Variants in SLCO3A1 observed in about 807,000 individuals in gnomAD.
The protein encoded by SLCO3A1 is PGE1 transporter.
A neutral mutation model predicts 63.1 loss-of-function variants in SLCO3A1; 27 were observed. The ratio of observed to expected loss-of-function variants is 0.43; its 90% CI spans 0.32 to 0.59. SLCO3A1 has a LOEUF of 0.59. Among genes scored for constraint, SLCO3A1 ranks in the 20% least tolerant of loss-of-function variants. The pLI is 0.09. For synonymous variants in SLCO3A1, 473 were observed against 409.9 expected, an observed-to-expected ratio of 1.15 and a Z score of -1.86; for missense variants, 773 against 945.8, an observed-to-expected ratio of 0.82 and a Z score of 2.40.
At chr15:92,028,658 A>G (rs1015145170) in intron 2 of SLCO3A1, among the ~76,000 whole-genome samples, 1 of 152,184 alleles carries the variant, frequency 6.6e-6, no homozygotes, top group Non-Finnish European at 1.5e-5. Flanking sequence ...AATCGTTTTA[A>G]GCTAGAATGA....
At chr15:91,973,177 G>A (rs993490592) in intron 2 of SLCO3A1, among the ~76,000 whole-genome samples, 12 of 152,176 alleles carry the variant, frequency 7.9e-5, no homozygotes, top group Admixed American at 2.6e-4. Flanking sequence ...AAAAGGGTGG[G>A]GATTGCAACC....
chr15:91,858,092 C>A (rs145061478), intron 1 of SLCO3A1, among the ~76,000 whole-genome samples: 1 of 151,550 alleles, frequency 6.6e-6, no homozygotes. Flanking sequence ...ATGGGTGAGG[C>A]GAAACTGCTA....
At chr15:92,077,850 C>T (rs182535796) in intron 2 of SLCO3A1, among the ~76,000 whole-genome samples, 48 of 152,304 alleles carry the variant, frequency 3.2e-4, no homozygotes, top group African/African-American at 1.1e-3. Context: ...AGCCCTCAAC[C>T]TTCTGCTGCC....
intron 2 of SLCO3A1, among the ~76,000 whole-genome samples, chr15:91,974,265 G>GTTGTTATTA (rs147991710): frequency 0.011 from 1,555 of 142,952 alleles, 19 homozygotes; most frequent in African/African-American, 0.031. Context: ...TTTCATTATT[G>GTTGTTATTA]TTATTATTAT....
chr15:92,164,541 T>C lies in SLCO3A1; in HGVS notation c.*1406T>C. On this transcript the variant is annotated 3_prime_UTR_variant, in exon 10 of 10. Transcript: ENST00000318445. Reference sequence around the variant, plus strand: ...ACACTCTTAGATGTGGGTTTGTGTGTATGGGTGCAACACTTCCGGGGATAG... The same window carrying C: ...ACACTCTTAGATGTGGGTTTGTGTGCATGGGTGCAACACTTCCGGGGATAG... The C allele has an allele frequency of 1.0e-6, 1 of 985,426 alleles. No homozygotes were observed. The highest frequency in any genetic ancestry group is 1.2e-6 in the Non-Finnish European group (1 of 829,930). 61.0% of individuals were successfully genotyped at this position (985,426 alleles called of 1,614,324 possible). A position where few individuals can be genotyped will look rare whatever the true frequency, so the allele number is the denominator to read the frequency against.
At chr15:92,035,113 G>A (rs2046708410) in intron 2 of SLCO3A1, among the ~76,000 whole-genome samples, 1 of 151,776 alleles carries the variant, frequency 6.6e-6, no homozygotes, top group South Asian at 2.1e-4. Context: ...AGTTACTCCA[G>A]TGGCCCGGAA....
At chr15:91,996,729 A>G (rs1441966855) in intron 2 of SLCO3A1, among the ~76,000 whole-genome samples, 2 of 152,218 alleles carry the variant, frequency 1.3e-5, no homozygotes, top group African/African-American at 2.4e-5. Context: ...CAACAACACT[A>G]CAATTAATGA....
At chr15:91,998,298 A>G (rs533605497) in intron 2 of SLCO3A1, among the ~76,000 whole-genome samples, 1 of 152,226 alleles carries the variant, frequency 6.6e-6, no homozygotes, top group East Asian at 1.9e-4. Context: ...TACTAAAAAT[A>G]CAAAAGTTTG....
intron 2 of SLCO3A1, among the ~76,000 whole-genome samples, chr15:92,067,492 T>A (rs2047165684): frequency 6.6e-6 from 1 of 152,220 alleles, no homozygotes; most frequent in South Asian, 2.1e-4. Flanking sequence ...TGTCTACTCG[T>A]CTTCCTCCTA....
At chr15:91,937,170 A>C (rs1230157682) in intron 2 of SLCO3A1, among the ~76,000 whole-genome samples, 1 of 152,180 alleles carries the variant, frequency 6.6e-6, no homozygotes, top group Non-Finnish European at 1.5e-5. Context: ...GAAACCACCC[A>C]CTTACATTAA....
At chr15:92,042,417 A>G (rs1163648543) in intron 2 of SLCO3A1, among the ~76,000 whole-genome samples, 1 of 152,128 alleles carries the variant, frequency 6.6e-6, no homozygotes, top group Non-Finnish European at 1.5e-5. Flanking sequence ...TTTTGAGGGG[A>G]TCCACACGGT....
At position 91,885,892 on chromosome 15, in the gene SLCO3A1, AC is replaced by A; in HGVS notation, c.181-30100del. On this transcript the variant is annotated intron_variant, in intron 1 of 9. Coordinates refer to ENST00000318445, the MANE Select transcript of SLCO3A1 (RefSeq NM_013272.4). The surrounding 1 kb of genome is among the most constrained non-coding windows in gnomAD (Gnocchi z 4.7). ...GAGCAAGAATGTTTCAGGCAGAGGG[AC>A]TAGGAAGTGCAAAGGCCCTGGGGTT... Among the ~76,000 whole-genome samples, 1 of 152,322 alleles carries A rather than the reference AC, an allele frequency of 6.6e-6. No individual in the cohort carries two copies. Among genetic ancestry groups the A allele is most frequent in the Middle Eastern group, 3.4e-3 (1 of 294 alleles).
intron 9 of SLCO3A1, among the ~76,000 whole-genome samples, chr15:92,152,655 GGGTGGATCGATA>G (rs1464480950): frequency 6.6e-6 from 1 of 152,194 alleles, no homozygotes; most frequent in Non-Finnish European, 1.5e-5. Context: ...CTGCAGTGTG[GGGTGGATCGATA>G]GGTGGATGTG....
intron 7 of SLCO3A1, among the ~76,000 whole-genome samples, chr15:92,134,594 T>G (rs1451644254): frequency 1.3e-5 from 2 of 152,206 alleles, no homozygotes; most frequent in East Asian, 3.9e-4. Context: ...TGCATATCTT[T>G]GCATAAAAAA....
chr15:92,087,159 C>A lies in SLCO3A1; in HGVS notation c.647-7722C>A, dbSNP rs557230148. The stretch of plus-strand genomic sequence containing the variant: ...TGAGGCTCATTCCCCCACCACCCCC[C>A]TCCCTCCGCCCACCGCCTATAGTTG... On this transcript the variant is annotated intron_variant, in intron 2 of 9. Transcript: ENST00000318445. Among the ~76,000 whole-genome samples, 623 of 151,270 alleles carry A rather than the reference C, an allele frequency of 4.1e-3. 5 individuals are homozygous for A. Among genetic ancestry groups the A allele is most frequent in the African/African-American group, 0.014 (580 of 41,104 alleles).
At chr15:91,929,174 G>A (rs901831449) in intron 2 of SLCO3A1, among the ~76,000 whole-genome samples, 7 of 152,188 alleles carry the variant, frequency 4.6e-5, no homozygotes, top group African/African-American at 1.4e-4. Flanking sequence ...CAGGAGTGGC[G>A]TGTCCACATA....
intron 7 of SLCO3A1, among the ~76,000 whole-genome samples, chr15:92,143,470 ATAT>A (rs373998754): frequency 4.0e-5 from 1 of 24,952 alleles, no homozygotes; most frequent in African/African-American, 2.0e-4. Flanking sequence ...ATATATATAA[ATAT>A]ATATATATAT....
Position 91,880,391 on chromosome 15 carries a change from C to CTGTGTG in SLCO3A1, c.180+26304_180+26305insGTGTGT, listed in dbSNP as rs1248316415. Among the ~76,000 whole-genome samples the CTGTGTG allele has an allele frequency of 7.1e-3, 529 of 74,484 alleles. 2 individuals carry two copies. The highest frequency in any genetic ancestry group is 0.029 in the African/African-American group (496 of 17,272). The allele number at this position is 74,484 out of a possible 152,430, so 48.9% of individuals were successfully genotyped here. A position where few individuals can be genotyped will look rare whatever the true frequency, so the allele number is the denominator to read the frequency against. ...TACCGGCACTCGTGCTTCTCTCTCT[C>CTGTGTG]TCTCTCTCTCTCTCTCTCTGTGTGT... On this transcript the variant is annotated intron_variant, in intron 1 of 9. Coordinates refer to ENST00000318445, the MANE Select transcript of SLCO3A1 (RefSeq NM_013272.4).
chr15:91,963,507 AT>A (rs1244640140), intron 2 of SLCO3A1, among the ~76,000 whole-genome samples: 1 of 152,010 alleles, frequency 6.6e-6, no homozygotes, highest in Non-Finnish European at 1.5e-5. Context: ...CCCAAATAAC[AT>A]TTCATCTGAT....
Sources: gnomAD v4.1 joint callset for allele counts (sites outside exome capture counted in the v4.1 genomes callset) on GRCh38, gnomAD v4.1.1 for gene constraint, Gnocchi (gnomAD v3.1) non-coding constraint, MANE v1.5 for transcripts, NCBI Gene and HGNC (gene_info 2026-07-23, HGNC 2026-07-21) for gene names.